Variants in UGDH observed in about 807,000 individuals in gnomAD.
The protein encoded by UGDH is UDP-glucose 6-dehydrogenase.
In UGDH, 38 loss-of-function variants were observed where a neutral mutation model predicts 50.6. That is an observed-to-expected ratio of 0.75 (90% CI 0.58 to 0.98). The LOEUF (loss-of-function observed/expected upper bound fraction) is 0.98. Ranked by LOEUF, UGDH falls within the 50% of genes least tolerant of loss-of-function variation. UGDH has a pLI of 0.00. For missense variants in UGDH, 465 were observed against 606.2 expected, an observed-to-expected ratio of 0.77 and a Z score of 2.45; for synonymous variants, 168 against 199.9, an observed-to-expected ratio of 0.84 and a Z score of 1.35.
chr4:39,515,890 G>C (rs2109937345), intron 2 of UGDH, among the ~76,000 whole-genome samples: 1 of 152,098 alleles, frequency 6.6e-6, no homozygotes, highest in East Asian at 1.9e-4. Flanking sequence ...GGTAGAGACG[G>C]GGTTTTTCCA....
At chr4:39,501,276 ATT>A (rs71192870) in intron 11 of UGDH, among the ~76,000 whole-genome samples, 2,116 of 132,218 alleles carry the variant, frequency 0.016, 40 homozygotes, top group African/African-American at 0.047. Flanking sequence ...AACAGCATAA[ATT>A]TTTTTTTTTT....
chr4:39,525,836 C>T (rs1393380222), intron 1 of UGDH, among the ~76,000 whole-genome samples: 3 of 152,208 alleles, frequency 2.0e-5, no homozygotes, highest in African/African-American at 7.2e-5. Context: ...CTTTTATGTA[C>T]CCTCTGGCCC....
At chr4:39,504,328 A>G (rs947586809) in intron 10 of UGDH, 89 bp downstream of exon 10, 34 of 1,274,412 alleles carry the variant, frequency 2.7e-5, no homozygotes, top group Non-Finnish European at 3.6e-5. Flanking sequence ...ACAAAAAAAC[A>G]AAAAAACACA....
At chr4:39,506,226 G>A (rs1482013304) in intron 7 of UGDH, among the ~76,000 whole-genome samples, 4 of 49,116 alleles carry the variant, frequency 8.1e-5, no homozygotes, top group Non-Finnish European at 1.1e-4. Context: ...AGACCCTGCC[G>A]TAAATTTAAA....
chr4:39,527,134 G>C lies in UGDH; in HGVS notation c.-8+149C>G, dbSNP rs1345896590. 2.3e-6 allele frequency: 3 copies of C among 1,288,310 alleles called. No individual in the cohort carries two copies. The African/African-American group carries it at 4.6e-5, about 20-fold the overall frequency. 79.8% of individuals were successfully genotyped at this position (1,288,310 alleles called of 1,614,324 possible). On this transcript the variant is annotated intron_variant, in intron 1 of 11. Coordinates refer to ENST00000316423, the MANE Select transcript of UGDH (RefSeq NM_003359.4). ...CGGTTCCCGCCCTAAGCCCCAAAGAGACGAAGGTCGTGAGACGGGAAGCCC... is the reference window on the plus strand; with the variant it reads ...CGGTTCCCGCCCTAAGCCCCAAAGACACGAAGGTCGTGAGACGGGAAGCCC...
intron 9 of UGDH, among the ~76,000 whole-genome samples, chr4:39,504,840 G>A (rs899154166): frequency 5.3e-5 from 8 of 152,168 alleles, no homozygotes; most frequent in African/African-American, 1.7e-4. Flanking sequence ...GACTGCAAGT[G>A]ACCGCAGATA....
intron 8 of UGDH, 25 bp from the exon 9 acceptor site, chr4:39,505,395 T>C: frequency 6.7e-7 from 1 of 1,491,536 alleles, no homozygotes; most frequent in Non-Finnish European, 8.9e-7. Flanking sequence ...AAATCAGTAT[T>C]GGTAAGCTTT....
rs1745699112 is a variant in UGDH, at chr4:39,499,271, A to G, written c.*872T>C. 6.6e-6 allele frequency: 1 copy of G among 152,178 alleles called. No individual in the cohort carries two copies. The highest frequency in any genetic ancestry group is 1.5e-5 in the Non-Finnish European group (1 of 68,034). The allele number at this position is 152,178 out of a possible 1,614,324, so 9.4% of individuals were successfully genotyped here. ...TAATTTTCTCTTCATGATTAAAAAA[A>G]AAATCTTTTAACCATATTTGGGGTG... On this transcript the variant is annotated 3_prime_UTR_variant, in exon 12 of 12. Coordinates refer to ENST00000316423, the MANE Select transcript of UGDH (RefSeq NM_003359.4).
intron 1 of UGDH, among the ~76,000 whole-genome samples, chr4:39,525,337 G>A (rs1024992625): frequency 2.6e-5 from 4 of 151,952 alleles, no homozygotes; most frequent in South Asian, 2.1e-4. Flanking sequence ...GGGATTACAG[G>A]TGCCCACCAC....
At chr4:39,527,243 C>T (rs1468011771) in intron 1 of UGDH, 40 bp downstream of exon 1, 1 of 742,460 alleles carries the variant, frequency 1.3e-6, no homozygotes, top group East Asian at 6.6e-5. Flanking sequence ...CTGGGAGCAT[C>T]CCGCCCGGGC....
chr4:39,509,830 A>T lies in UGDH; in HGVS notation c.741T>A (p.Asp247Glu), dbSNP rs1413039249. The T allele has an allele frequency of 1.9e-6, 3 of 1,613,520 alleles. No homozygotes were observed. Among genetic ancestry groups the T allele is most frequent in the Non-Finnish European group, 2.5e-6 (3 of 1,179,996 alleles). ...ISALCEATGA[D>E]VEEVATAIGM... ...CAATCGCTGTTGCTACCTCTTCTAC[A>T]TCAGCTCCTGTTGCTTCACACAGAG... The change falls in exon 6 of 12, where the codon GAT becomes GAA. Residue 247 changes from aspartate to glutamate, a missense_variant. Asp to Glu is a conservative substitution (Grantham distance 45). Coordinates refer to ENST00000316423, the MANE Select transcript of UGDH (RefSeq NM_003359.4).
chr4:39,517,107 C>T (rs1039484172), intron 2 of UGDH, among the ~76,000 whole-genome samples: 3 of 151,868 alleles, frequency 2.0e-5, no homozygotes, highest in African/African-American at 4.8e-5. Flanking sequence ...AACTCAAATC[C>T]TTTCACAGGG....
At chr4:39,518,630 A>G (rs958074667) in intron 2 of UGDH, among the ~76,000 whole-genome samples, 12 of 151,066 alleles carry the variant, frequency 7.9e-5, no homozygotes, top group African/African-American at 2.9e-4. Flanking sequence ...AAAAAAAAAA[A>G]AAAAAAAGAA....
intron 2 of UGDH, among the ~76,000 whole-genome samples, chr4:39,518,476 G>A (rs886720510): frequency 1.3e-5 from 2 of 151,840 alleles, no homozygotes; most frequent in Admixed American, 1.3e-4. Flanking sequence ...AACTCCTCAA[G>A]TAGCTGGGAC....
chr4:39,527,222 C>A, intron 1 of UGDH, 61 bp downstream of exon 1: 1 of 920,892 alleles, frequency 1.1e-6, no homozygotes, highest in Admixed American at 3.1e-5. Flanking sequence ...CCCTCCACAT[C>A]CCGCCCAGAC....
At chr4:39,525,734 C>T (rs999555969) in intron 1 of UGDH, among the ~76,000 whole-genome samples, 1 of 151,958 alleles carries the variant, frequency 6.6e-6, no homozygotes. Flanking sequence ...TGGTCTCGAT[C>T]TCCTGACCTC....
At position 39,503,931 on chromosome 4, in the gene UGDH, C is replaced by T. The variant is rs777823955; in HGVS notation, c.1318G>A (p.Asp440Asn). The change falls in exon 11 of 12, where the codon GAT becomes AAT. Residue 440 changes from aspartate (D) to asparagine (N), a missense_variant. Coordinates refer to ENST00000316423, the MANE Select transcript of UGDH (RefSeq NM_003359.4). Reference sequence around the variant, plus strand: ...AGCCCATCCAGGACACGCCGTCCATCGAAGATAAAGGCTGGCTTTAGCATT... The same window carrying T: ...AGCCCATCCAGGACACGCCGTCCATTGAAGATAAAGGCTGGCTTTAGCATT... ...KKMLKPAFIF[D>N]GRRVLDGLHN... 6 of 1,614,164 alleles carry T rather than the reference C, an allele frequency of 3.7e-6. No individual in the cohort carries two copies. Among genetic ancestry groups the T allele is most frequent in the Non-Finnish European group, 3.4e-6 (4 of 1,180,014 alleles).
rs376413819 is a variant in UGDH at position 39,501,989 on chromosome 4, T to G, written c.1375-1736A>C. On this transcript the variant is annotated intron_variant, in intron 11 of 11. Transcript: ENST00000316423. ...ACAAAGAAAGGGCTTCTGCTTTATA[T>G]TAACCAGTTGTCTCAGTGACTTACA... is the stretch of plus-strand genomic sequence containing the variant. 2.4e-3 allele frequency among the ~76,000 whole-genome samples: 365 copies of G among 152,342 alleles called. 3 individuals are homozygous for G. The Middle Eastern group carries it at 0.048, about 20-fold the overall frequency.
chr4:39,508,707 A>C (rs752402291), intron 6 of UGDH, 47 bp from the exon 7 acceptor site: 1 of 1,526,696 alleles, frequency 6.6e-7, no homozygotes, highest in Non-Finnish European at 8.8e-7. Flanking sequence ...AGAACGAGAA[A>C]ACTCAATCAT....
Sources: gnomAD v4.1 joint callset for allele counts (sites outside exome capture counted in the v4.1 genomes callset) on GRCh38, gnomAD v4.1.1 for gene constraint, MANE v1.5 for transcripts, NCBI Gene and HGNC (gene_info 2026-07-23, HGNC 2026-07-21) for gene names.